Variants in WDR26 observed in about 807,000 individuals in gnomAD.
WDR26 encodes WD repeat-containing protein 26.
A neutral mutation model predicts 84.1 loss-of-function variants in WDR26; 5 were observed. The ratio of observed to expected loss-of-function variants is 0.06; its 90% CI spans 0.03 to 0.13. The LOEUF (loss-of-function observed/expected upper bound fraction) is 0.13. Among genes scored for constraint, WDR26 ranks in the 10% least tolerant of loss-of-function variants. WDR26 has a pLI of 1.00. For synonymous variants in WDR26, 415 were observed against 389.6 expected (o/e 1.07, Z -0.77); for missense variants, 642 against 974.9 (o/e 0.66, Z 4.55).
In WDR26 at chr1:224,431,579, T is replaced by C; in HGVS notation, c.825A>G (p.Ala275=). 1 of 1,613,054 alleles carries C rather than the reference T, an allele frequency of 6.2e-7. No homozygotes were observed. Among genetic ancestry groups the C allele is most frequent in the Non-Finnish European group, 8.5e-7 (1 of 1,179,356 alleles). Residue 275 remains alanine, a splice_region_variant and synonymous_variant, in exon 3 of 14, where the codon GCA becomes GCG. Coordinates refer to ENST00000414423, the MANE Select transcript of WDR26 (RefSeq NM_001379403.1). The stretch of plus-strand genomic sequence containing the variant: ...GCTTTAGTTCATTCAGGTCATTTTC[T>C]GCCTGTAAAAATTGGTATAAAAGAA...
Sources: allele counts gnomAD v4.1 joint callset, GRCh38; gene constraint gnomAD v4.1.1; transcripts MANE v1.5; gene names NCBI Gene and HGNC (gene_info 2026-07-23, HGNC 2026-07-21).